Variants in EXOC6 observed in about 807,000 individuals in gnomAD.
EXOC6 encodes the protein exocyst complex component 6.
A neutral mutation model predicts 112.5 loss-of-function variants in EXOC6; 60 were observed. The ratio of observed to expected loss-of-function variants is 0.53; its 90% CI spans 0.43 to 0.66. The LOEUF (loss-of-function observed/expected upper bound fraction) is 0.66, where lower values mean the gene tolerates loss of function less well. EXOC6 is among the 30% of genes least tolerant of loss of function. The pLI, the probability that EXOC6 is intolerant of heterozygous loss-of-function variation, is 0.00. For synonymous variants in EXOC6, 295 were observed against 308.0 expected (o/e 0.96, Z 0.44); for missense variants, 855 against 957.1 (o/e 0.89, Z 1.41).
chr10:92,921,838 A>G (rs1429329705), intron 8 of EXOC6, among the ~76,000 whole-genome samples: 1 of 151,904 alleles, frequency 6.6e-6, no homozygotes, highest in Non-Finnish European at 1.5e-5. Context: ...TGGTAGAGGT[A>G]GAGTTTACAG....
At chr10:92,946,169 G>A (rs978563710) in intron 13 of EXOC6, among the ~76,000 whole-genome samples, 2 of 152,026 alleles carry the variant, frequency 1.3e-5, no homozygotes, top group African/African-American at 4.8e-5. Flanking sequence ...GGTGGCCGGC[G>A]CCTGTAGTCC....
intron 17 of EXOC6, among the ~76,000 whole-genome samples, chr10:92,972,373 G>A (rs542141567): frequency 6.6e-6 from 1 of 152,262 alleles, no homozygotes; most frequent in African/African-American, 2.4e-5. Context: ...TTCAAGAGAG[G>A]GGAGTGCAGG....
At chr10:92,916,340 T>C (rs1378251601) in intron 7 of EXOC6, among the ~76,000 whole-genome samples, 2 of 152,038 alleles carry the variant, frequency 1.3e-5, no homozygotes, top group African/African-American at 4.8e-5. Flanking sequence ...TGAAACCCTG[T>C]CTCTACTAAA....
chr10:92,946,202 A>G (rs1852987365), intron 13 of EXOC6, among the ~76,000 whole-genome samples: 1 of 152,102 alleles, frequency 6.6e-6, no homozygotes, highest in East Asian at 1.9e-4. Context: ...AGGCTGAGGC[A>G]GGAGAATGGC....
intron 18 of EXOC6, among the ~76,000 whole-genome samples, chr10:92,985,184 A>G (rs1842956498): frequency 6.6e-6 from 1 of 151,764 alleles, no homozygotes; most frequent in African/African-American, 2.4e-5. Context: ...CATTAGGGTA[A>G]TTGCCTGTGC....
At chr10:92,871,979 T>A (rs909419800) in intron 1 of EXOC6, among the ~76,000 whole-genome samples, 7 of 152,130 alleles carry the variant, frequency 4.6e-5, no homozygotes, top group Admixed American at 1.3e-4. Context: ...GCCTGTTTTG[T>A]TGATTTTTTT....
chr10:92,951,408 G>A (rs1853405523), intron 14 of EXOC6, among the ~76,000 whole-genome samples: 1 of 152,148 alleles, frequency 6.6e-6, no homozygotes, highest in Non-Finnish European at 1.5e-5. Flanking sequence ...AAACCAGTGT[G>A]GGCAGGAATC....
At chr10:92,918,482 A>G (rs773013900) in intron 7 of EXOC6, among the ~76,000 whole-genome samples, 69 of 151,022 alleles carry the variant, frequency 4.6e-4, no homozygotes, top group Non-Finnish European at 6.6e-4. Context: ...TGGCATAATC[A>G]TGGCTTACTG....
At chr10:92,902,670 C>G (rs1165258745) in intron 5 of EXOC6, among the ~76,000 whole-genome samples, 2 of 151,954 alleles carry the variant, frequency 1.3e-5, no homozygotes, top group African/African-American at 4.8e-5. Flanking sequence ...TTATTGCTAC[C>G]CAGAAGCTTT....
intron 1 of EXOC6, among the ~76,000 whole-genome samples, chr10:92,892,768 G>T (rs1283235296): frequency 6.6e-6 from 1 of 152,180 alleles, no homozygotes; most frequent in East Asian, 1.9e-4. Flanking sequence ...AAACATTGTG[G>T]TGACTGCAAT....
chr10:92,974,240 TAA>T lies in EXOC6; in HGVS notation c.1953+12_1953+13del. 2 of 1,523,762 alleles carry T rather than the reference TAA, an allele frequency of 1.3e-6. No individual in the cohort carries two copies. The highest frequency in any genetic ancestry group is 1.4e-5 in the African/African-American group (1 of 70,534). The allele number at this position is 1,523,762 out of a possible 1,614,324, so 94.4% of individuals were successfully genotyped here. On this transcript the variant is annotated intron_variant, in intron 18 of 21. Coordinates refer to ENST00000260762, the MANE Select transcript of EXOC6 (RefSeq NM_019053.6). ...GTGTTTACTCATTTGCCTGTAAGTA[TAA>T]AAATTTTCAAAAATTGTTTTATGTT...
At chr10:92,931,643 ATT>A (rs970344362) in intron 9 of EXOC6, among the ~76,000 whole-genome samples, 12 of 151,662 alleles carry the variant, frequency 7.9e-5, no homozygotes, top group Non-Finnish European at 1.2e-4. Flanking sequence ...TTGAATAGAC[ATT>A]TTACCAAAGA....
At chr10:92,911,901 TTCTCTC>T (rs113097452) in intron 6 of EXOC6, among the ~76,000 whole-genome samples, 3,075 of 139,836 alleles carry the variant, frequency 0.022, 88 homozygotes, top group African/African-American at 0.071. Flanking sequence ...TCTTGTGGGT[TTCTCTC>T]TCTCTCTCTC....
chr10:92,976,592 C>T (rs1436916070), intron 18 of EXOC6, among the ~76,000 whole-genome samples: 1 of 140,784 alleles, frequency 7.1e-6, no homozygotes, highest in East Asian at 2.0e-4. Context: ...ATCTGCTGAC[C>T]TTCCCTCCAC....
chr10:92,919,094 G>T (rs1438067136), intron 7 of EXOC6, among the ~76,000 whole-genome samples: 2 of 151,996 alleles, frequency 1.3e-5, no homozygotes, highest in Non-Finnish European at 2.9e-5. Flanking sequence ...CTCCTTTGAG[G>T]TTCAGAATGT....
At chr10:92,913,154 C>T (rs1177778606) in intron 6 of EXOC6, among the ~76,000 whole-genome samples, 2 of 152,126 alleles carry the variant, frequency 1.3e-5, no homozygotes, top group African/African-American at 4.8e-5. Flanking sequence ...GGGGGTCTCC[C>T]TACAAGATAG....
intron 20 of EXOC6, among the ~76,000 whole-genome samples, chr10:93,028,211 C>T (rs966483324): frequency 6.6e-6 from 1 of 151,954 alleles, no homozygotes; most frequent in Non-Finnish European, 1.5e-5. Flanking sequence ...GTGGGAGGAT[C>T]GCCTGAGCCC....
chr10:92,929,396 T>C (rs568339680), intron 9 of EXOC6, among the ~76,000 whole-genome samples: 11 of 152,348 alleles, frequency 7.2e-5, no homozygotes, highest in African/African-American at 2.2e-4. Flanking sequence ...ATCCTGATAC[T>C]ATCTCCAAGT....
intron 1 of EXOC6, among the ~76,000 whole-genome samples, chr10:92,829,147 G>A (rs1250878357): frequency 6.6e-6 from 1 of 152,086 alleles, no homozygotes; most frequent in Non-Finnish European, 1.5e-5. Flanking sequence ...AACCACATGT[G>A]CCATAGGGAG....
Sources: allele counts gnomAD v4.1 joint callset (sites outside exome capture counted in the v4.1 genomes callset), GRCh38; gene constraint gnomAD v4.1.1; transcripts MANE v1.5; gene names NCBI Gene and HGNC (gene_info 2026-07-23, HGNC 2026-07-21).